Variants in MME observed in about 807,000 individuals in gnomAD.
MME encodes the protein neprilysin.
Under a neutral mutation model 113.2 loss-of-function variants are expected in MME, and 98 were observed. That is an observed-to-expected ratio of 0.87 (90% CI 0.74 to 1.02). MME has a LOEUF of 1.02. Ranked by LOEUF, MME falls within the 50% of genes least tolerant of loss-of-function variation. The pLI, the probability that MME is intolerant of heterozygous loss-of-function variation, is 0.00. For missense variants in MME, 836 were observed against 896.0 expected, an observed-to-expected ratio of 0.93 and a Z score of 0.86; for synonymous variants, 292 against 300.6, an observed-to-expected ratio of 0.97 and a Z score of 0.30.
chr3:155,090,944 C>T (rs1559911340), intron 3 of MME, among the ~76,000 whole-genome samples: 1 of 152,202 alleles, frequency 6.6e-6, no homozygotes, highest in African/African-American at 2.4e-5. Flanking sequence ...GCCTTCTTGC[C>T]TGTTAACACC....
chr3:155,090,767 G>T (rs1716217383), intron 3 of MME, among the ~76,000 whole-genome samples: 1 of 152,328 alleles, frequency 6.6e-6, no homozygotes, highest in South Asian at 2.1e-4. Flanking sequence ...ATATGGGGGA[G>T]ACTACTGTAC....
intron 3 of MME, among the ~76,000 whole-genome samples, chr3:155,099,658 T>C (rs1717034101): frequency 6.6e-6 from 1 of 152,044 alleles, no homozygotes; most frequent in East Asian, 1.9e-4. Flanking sequence ...ACTCAAGGAG[T>C]GTGTCCTTGC....
chr3:155,160,628 T>C (rs566322589), intron 17 of MME, among the ~76,000 whole-genome samples, 180 bp downstream of exon 17: 1 of 152,218 alleles, frequency 6.6e-6, no homozygotes, highest in South Asian at 2.1e-4. Context: ...AGTGGGAAAA[T>C]TCAGATTGGT....
chr3:155,033,954 C>T (rs1713054077), intron 1 of MME, among the ~76,000 whole-genome samples: 1 of 152,098 alleles, frequency 6.6e-6, no homozygotes, highest in African/African-American at 2.4e-5. Context: ...ATTCCTTAAA[C>T]CTAAGATACC....
At chr3:155,066,626 C>G (rs1201584145) in intron 1 of MME, among the ~76,000 whole-genome samples, 1 of 152,160 alleles carries the variant, frequency 6.6e-6, no homozygotes, top group Non-Finnish European at 1.5e-5. Context: ...AATGTGTTTT[C>G]TATCAATAAA....
intron 1 of MME, among the ~76,000 whole-genome samples, chr3:155,062,113 G>A (rs1014310143): frequency 4.6e-5 from 7 of 152,048 alleles, no homozygotes; most frequent in African/African-American, 1.7e-4. Flanking sequence ...CTTATTCAAA[G>A]TTGAATAGGA....
At chr3:155,174,287 A>G (rs1712283408) in intron 22 of MME, among the ~76,000 whole-genome samples, 1 of 150,628 alleles carries the variant, frequency 6.6e-6, no homozygotes, top group Admixed American at 6.6e-5. Flanking sequence ...GGTTCCAAAG[A>G]TCCCTCATCG....
intron 12 of MME, 143 bp downstream of exon 12, chr3:155,142,473 G>A (rs779314311): frequency 1.5e-6 from 1 of 671,474 alleles, no homozygotes; most frequent in African/African-American, 1.8e-5. Flanking sequence ...ACATATTTAG[G>A]ACATGTTGCT....
chr3:155,063,940 G>A (rs1232506446), intron 1 of MME, among the ~76,000 whole-genome samples: 1 of 151,530 alleles, frequency 6.6e-6, no homozygotes, highest in Non-Finnish European at 1.5e-5. Flanking sequence ...AGGTAATCAA[G>A]GTTAAATGTG....
At chr3:155,036,646 C>G (rs2108117258) in intron 1 of MME, among the ~76,000 whole-genome samples, 1 of 152,070 alleles carries the variant, frequency 6.6e-6, no homozygotes, top group African/African-American at 2.4e-5. Context: ...TGTAAGAGTT[C>G]TTTCTATATC....
intron 8 of MME, among the ~76,000 whole-genome samples, chr3:155,136,180 C>T (rs2196522): frequency 0.66 from 100,632 of 151,920 alleles, 33,458 homozygotes; most frequent in South Asian, 0.75. Flanking sequence ...CAGTACTGTG[C>T]TGAATAGGAG....
intron 10 of MME, among the ~76,000 whole-genome samples, chr3:155,140,580 C>A (rs193224771): frequency 1.7e-4 from 26 of 152,098 alleles, no homozygotes; most frequent in African/African-American, 4.3e-4. Context: ...CCACACCTGG[C>A]TAATTCTTGT....
chr3:155,106,905 C>A (rs1717734693), intron 3 of MME, among the ~76,000 whole-genome samples: 1 of 152,174 alleles, frequency 6.6e-6, no homozygotes, highest in Non-Finnish European at 1.5e-5. Context: ...AATTCTAGAA[C>A]AGTTATAAAT....
chr3:155,065,428 C>T (rs144994256), intron 1 of MME, among the ~76,000 whole-genome samples: 2 of 152,180 alleles, frequency 1.3e-5, no homozygotes, highest in African/African-American at 4.8e-5. Context: ...ATTACCCTTC[C>T]CTGAAGTCCT....
chr3:155,153,133 T>C (rs755671778), intron 16 of MME, among the ~76,000 whole-genome samples: 1 of 151,862 alleles, frequency 6.6e-6, no homozygotes, highest in South Asian at 2.1e-4. Flanking sequence ...TTCAAGCGAT[T>C]CTCCTGCCCC....
chr3:155,147,087 A>G, intron 14 of MME, 57 bp from the exon 15 acceptor site: 1 of 1,131,758 alleles, frequency 8.8e-7, no homozygotes, highest in East Asian at 2.4e-5. Flanking sequence ...GCAGATTATA[A>G]ATTTGTATCT....
intron 22 of MME, among the ~76,000 whole-genome samples, chr3:155,176,382 A>G (rs1469932690): frequency 6.6e-6 from 1 of 152,184 alleles, no homozygotes; most frequent in Non-Finnish European, 1.5e-5. Flanking sequence ...TAAAAGCTTT[A>G]TTATCTTCTG....
chr3:155,043,072 T>C (rs1713418010), intron 1 of MME, among the ~76,000 whole-genome samples: 1 of 149,300 alleles, frequency 6.7e-6, no homozygotes, highest in Non-Finnish European at 1.5e-5. Context: ...GCTTAGAGTC[T>C]TTTTATGGTA....
intron 1 of MME, among the ~76,000 whole-genome samples, chr3:155,051,663 C>T (rs1713768629): frequency 6.6e-6 from 1 of 152,104 alleles, no homozygotes; most frequent in East Asian, 1.9e-4. Context: ...AATTACCTCC[C>T]ATAGGGTCCC....
Sources: allele counts gnomAD v4.1 joint callset (sites outside exome capture counted in the v4.1 genomes callset), GRCh38; gene constraint gnomAD v4.1.1; transcripts MANE v1.5; gene names NCBI Gene and HGNC (gene_info 2026-07-23, HGNC 2026-07-21).